MYO1B: variants seen among roughly 807,000 people sequenced by gnomAD.
MYO1B encodes myosin IB.
MYO1B carries 72 observed loss-of-function variants against 159.7 expected under a neutral mutation model. The ratio of observed to expected loss-of-function variants is 0.45; its 90% confidence interval spans 0.37 to 0.55. The LOEUF is 0.55. Ranked by LOEUF, MYO1B falls within the 20% of genes least tolerant of loss-of-function variation. The pLI, the probability that MYO1B is intolerant of heterozygous loss-of-function variation, is 0.00. For missense variants in MYO1B, 1,062 were observed against 1,364.8 expected (o/e 0.78, Z 3.50); for synonymous variants, 468 against 473.8 (o/e 0.99, Z 0.16).
rs373508633 is a variant in MYO1B at position 191,400,476 on chromosome 2, C to T, written c.2382+8C>T. ...TATTGGCATGGGACCCAGGTAGGCC[C>T]GAGACCCCAAGGAAGGCGGTGGGTC... is the stretch of plus-strand genomic sequence containing the variant. On this transcript the variant is annotated splice_region_variant and intron_variant, in intron 22 of 30. Transcript: ENST00000392318. The T allele has an allele frequency of 5.9e-5, 95 of 1,613,936 alleles. No individual in the cohort carries two copies. Among genetic ancestry groups the T allele is most frequent in the Middle Eastern group, 3.3e-4 (2 of 6,084 alleles).
intron 11 of MYO1B, among the ~76,000 whole-genome samples, chr2:191,368,118 A>G (rs1694126262): frequency 6.6e-6 from 1 of 152,206 alleles, no homozygotes; most frequent in Admixed American, 6.5e-5. Flanking sequence ...TGAAGGGAAA[A>G]GGTGTTATCT....
chr2:191,397,847 C>T (rs578095861), intron 21 of MYO1B, among the ~76,000 whole-genome samples: 14 of 143,780 alleles, frequency 9.7e-5, no homozygotes, highest in African/African-American at 1.3e-4. Context: ...CCCTCCCAGA[C>T]GGGGCGGCTG....
At chr2:191,264,144 C>T (rs1364079577) in intron 1 of MYO1B, among the ~76,000 whole-genome samples, 2 of 152,076 alleles carry the variant, frequency 1.3e-5, no homozygotes, top group Non-Finnish European at 2.9e-5. Flanking sequence ...GTGAAATAAC[C>T]CACTGCAGCA....
intron 21 of MYO1B, among the ~76,000 whole-genome samples, chr2:191,399,168 A>ACTC (rs769799915): frequency 2.3e-4 from 35 of 152,160 alleles, no homozygotes; most frequent in Non-Finnish European, 3.8e-4. Flanking sequence ...CGGCAGGCTG[A>ACTC]GGCAGGAGAA....
chr2:191,369,078 G>A (rs985717577), intron 11 of MYO1B, among the ~76,000 whole-genome samples: 1 of 152,182 alleles, frequency 6.6e-6, no homozygotes, highest in African/African-American at 2.4e-5. Flanking sequence ...CCATTTCTGT[G>A]TATAAGGGTT....
intron 2 of MYO1B, among the ~76,000 whole-genome samples, chr2:191,287,667 A>C (rs1221528477): frequency 6.6e-6 from 1 of 152,234 alleles, no homozygotes; most frequent in African/African-American, 2.4e-5. Context: ...AAGAATTATT[A>C]TTATGAAATG....
chr2:191,359,439 G>A lies in MYO1B; in HGVS notation c.563-1192G>A, dbSNP rs73981600. On this transcript the variant is annotated intron_variant, in intron 7 of 30. Coordinates refer to ENST00000392318, the MANE Select transcript of MYO1B (RefSeq NM_001130158.3). ...ACATGAAAAATCTGCAGCATCCTGC[G>A]CCTAATAATTTTTGTACTTACATAT... 5.5e-3 allele frequency among the ~76,000 whole-genome samples: 828 copies of A among 151,538 alleles called. 7 individuals are homozygous for A. The highest frequency in any genetic ancestry group is 0.019 in the African/African-American group (787 of 41,304).
At chr2:191,317,866 A>C (rs1400013952) in intron 3 of MYO1B, among the ~76,000 whole-genome samples, 1 of 152,264 alleles carries the variant, frequency 6.6e-6, no homozygotes, top group Non-Finnish European at 1.5e-5. Context: ...ATATATGTCT[A>C]CTGAAATAAC....
chr2:191,311,351 A>G (rs1208259510), intron 3 of MYO1B, among the ~76,000 whole-genome samples: 2 of 152,218 alleles, frequency 1.3e-5, no homozygotes, highest in African/African-American at 2.4e-5. Context: ...GGGAAAACAC[A>G]TGCAGGCATA....
intron 3 of MYO1B, among the ~76,000 whole-genome samples, chr2:191,298,699 T>C (rs952491089): frequency 7.2e-5 from 11 of 152,250 alleles, no homozygotes; most frequent in African/African-American, 2.7e-4. Flanking sequence ...GCTAATATTT[T>C]ATTAAGTACT....
At chr2:191,251,173 C>G (rs373724630) in intron 1 of MYO1B, among the ~76,000 whole-genome samples, 1 of 152,220 alleles carries the variant, frequency 6.6e-6, no homozygotes, top group Non-Finnish European at 1.5e-5. Flanking sequence ...TTTCTTACCC[C>G]CTTGCTGGCC....
Position 191,341,377 on chromosome 2 carries a change from G to T in MYO1B, c.347-84G>T. 3.9e-6 allele frequency: 4 copies of T among 1,036,536 alleles called. No homozygotes were observed. The South Asian group carries it at 5.9e-5, about 15-fold the overall frequency. The allele number at this position is 1,036,536 out of a possible 1,614,324, so 64.2% of individuals were successfully genotyped here. On this transcript the variant is annotated intron_variant, in intron 4 of 30. Transcript: ENST00000392318. ...AAGACATTTGAAAATGCCGTTAGTG[G>T]GTCTTCTCCCACATTTCCTCCTCCC...
chr2:191,318,256 A>T (rs1056585796), intron 3 of MYO1B, among the ~76,000 whole-genome samples: 2 of 152,226 alleles, frequency 1.3e-5, no homozygotes, highest in African/African-American at 4.8e-5. Flanking sequence ...GAAAAACAGC[A>T]GGGCCAGCTC....
At chr2:191,345,594 A>G (rs1427247890) in intron 5 of MYO1B, among the ~76,000 whole-genome samples, 2 of 152,172 alleles carry the variant, frequency 1.3e-5, no homozygotes, top group South Asian at 2.1e-4. Context: ...TGTATTTTGC[A>G]TTATGGGCCA....
intron 3 of MYO1B, among the ~76,000 whole-genome samples, chr2:191,326,802 G>A (rs1335478480): frequency 6.8e-6 from 1 of 146,652 alleles, no homozygotes; most frequent in Non-Finnish European, 1.5e-5. Context: ...GTGTGTGTGT[G>A]TGTGTGTGTG....
intron 30 of MYO1B, 130 bp downstream of exon 30, chr2:191,416,372 G>A (rs923103031): frequency 1.8e-6 from 2 of 1,105,518 alleles, no homozygotes; most frequent in Admixed American, 4.2e-5. Context: ...TGTTCCACAT[G>A]ATAAATGGGC....
At chr2:191,363,944 G>A (rs753512653) in intron 10 of MYO1B, 69 bp downstream of exon 10, 6 of 1,584,466 alleles carry the variant, frequency 3.8e-6, no homozygotes, top group South Asian at 2.2e-5. Flanking sequence ...ACTTTTTAAT[G>A]TAGAAAGTAA....
intron 13 of MYO1B, among the ~76,000 whole-genome samples, chr2:191,378,487 A>G (rs1354574924): frequency 1.3e-5 from 2 of 152,132 alleles, no homozygotes; most frequent in Non-Finnish European, 2.9e-5. Flanking sequence ...GGTGGGGGAG[A>G]TAACAAAGTA....
At chr2:191,363,676 A>G in intron 9 of MYO1B, 52 bp from the exon 10 acceptor site, 1 of 1,548,364 alleles carries the variant, frequency 6.5e-7, no homozygotes, top group South Asian at 1.3e-5. Context: ...TTAAAAAAGA[A>G]AAGAAAATAA....
Sources: gnomAD v4.1 joint callset for allele counts (sites outside exome capture counted in the v4.1 genomes callset) on GRCh38, gnomAD v4.1.1 for gene constraint, MANE v1.5 for transcripts, NCBI Gene and HGNC (gene_info 2026-07-23, HGNC 2026-07-21) for gene names.